The following NIBAN1 variants were observed in gnomAD, a reference collection of about 807,000 sequenced individuals.
NIBAN1 encodes the protein protein Niban 1.
In NIBAN1, 81 loss-of-function variants were observed where a neutral mutation model predicts 75.1. The ratio of observed to expected loss-of-function variants is 1.08; its 90% CI spans 0.90 to 1.30. NIBAN1 has a LOEUF of 1.30. Among genes scored for constraint, NIBAN1 ranks in the 50% most tolerant of loss-of-function variants. The pLI, the probability that NIBAN1 is intolerant of heterozygous loss-of-function variation, is 0.00. For missense variants in NIBAN1, 1,133 were observed against 1,128.1 expected (o/e 1.00, Z -0.06); for synonymous variants, 436 against 424.8 (o/e 1.03, Z -0.32).
chr1:184,867,170 TCA>T (rs796646559), intron 5 of NIBAN1, among the ~76,000 whole-genome samples: 2,027 of 150,370 alleles, frequency 0.013, 46 homozygotes, highest in African/African-American at 0.047. Flanking sequence ...TCTCTCTCTC[TCA>T]CACACACACA....
In NIBAN1 at chr1:184,794,212, T is replaced by C. The variant is rs1653773145; in HGVS notation, c.*765A>G. 1 of 152,460 alleles carries C rather than the reference T, an allele frequency of 6.6e-6. No individual in the cohort carries two copies. The highest frequency in any genetic ancestry group is 6.5e-5 in the Admixed American group (1 of 15,298). The allele number at this position is 152,460 out of a possible 1,614,324, so 9.4% of individuals were successfully genotyped here. On this transcript the variant is annotated 3_prime_UTR_variant, in exon 14 of 14. Coordinates refer to ENST00000367511, the MANE Select transcript of NIBAN1 (RefSeq NM_052966.4). ...AGCTCGATAACTTAGCTAAGCCCTTTGCACAGTCTAAGCCTAATTTGGAAT... is the reference window on the plus strand; with the variant it reads ...AGCTCGATAACTTAGCTAAGCCCTTCGCACAGTCTAAGCCTAATTTGGAAT...
chr1:184,869,591 G>A (rs138619877), intron 5 of NIBAN1, among the ~76,000 whole-genome samples: 43 of 150,494 alleles, frequency 2.9e-4, no homozygotes, highest in Admixed American at 1.8e-3. Context: ...TTCCCAAGCC[G>A]GAGTGCAGTG....
intron 1 of NIBAN1, among the ~76,000 whole-genome samples, chr1:184,917,604 C>A (rs66930146): frequency 0.44 from 66,682 of 151,564 alleles, 14,972 homozygotes; most frequent in South Asian, 0.51. Context: ...CTCTTTTAAG[C>A]AAATGGAGAT....
intron 11 of NIBAN1, among the ~76,000 whole-genome samples, chr1:184,805,160 C>A (rs1055144344): frequency 3.3e-5 from 5 of 152,188 alleles, no homozygotes; most frequent in Non-Finnish European, 7.3e-5. Context: ...AAGATCAAGT[C>A]TGAAATTCAG....
At chr1:184,952,911 A>G (rs1456806491) in intron 1 of NIBAN1, among the ~76,000 whole-genome samples, 1 of 152,218 alleles carries the variant, frequency 6.6e-6, no homozygotes, top group Non-Finnish European at 1.5e-5. Context: ...GCTGTCTATT[A>G]AGTCTGAAGC....
At chr1:184,861,133 T>C (rs1655805025) in intron 5 of NIBAN1, among the ~76,000 whole-genome samples, 2 of 152,244 alleles carry the variant, frequency 1.3e-5, no homozygotes, top group Admixed American at 1.3e-4. Flanking sequence ...TGCCATTCTA[T>C]TGCAGAAGCA....
chr1:184,924,816 A>G (rs1308340382), intron 1 of NIBAN1, among the ~76,000 whole-genome samples: 2 of 152,268 alleles, frequency 1.3e-5, no homozygotes, highest in Admixed American at 6.5e-5. Flanking sequence ...ACTTATTGAC[A>G]TATAGTTAGC....
At chr1:184,974,168 G>A in intron 1 of NIBAN1, 134 bp downstream of exon 1, 1 of 926,546 alleles carries the variant, frequency 1.1e-6, no homozygotes, top group Non-Finnish European at 1.4e-6. Flanking sequence ...GACTCGCGCG[G>A]GCGGGCTGCG....
At chr1:184,906,053 C>A (rs1193580574) in intron 1 of NIBAN1, among the ~76,000 whole-genome samples, 8 of 149,694 alleles carry the variant, frequency 5.3e-5, no homozygotes, top group Admixed American at 1.3e-4. Flanking sequence ...GCCTGGACAA[C>A]ATAGAGAGAC....
intron 5 of NIBAN1, among the ~76,000 whole-genome samples, chr1:184,858,790 C>T (rs1018798601): frequency 6.6e-6 from 1 of 152,036 alleles, no homozygotes; most frequent in African/African-American, 2.4e-5. Context: ...TAAAGGCCAT[C>T]AGGAAGAGAA....
chr1:184,913,345 A>T (rs1489544612), intron 1 of NIBAN1, among the ~76,000 whole-genome samples: 1 of 152,004 alleles, frequency 6.6e-6, no homozygotes, highest in Non-Finnish European at 1.5e-5. Context: ...ACACAGGCTC[A>T]CCAGCATGTT....
At chr1:184,923,839 G>C (rs1460867568) in intron 1 of NIBAN1, among the ~76,000 whole-genome samples, 1 of 151,936 alleles carries the variant, frequency 6.6e-6, no homozygotes, top group Non-Finnish European at 1.5e-5. Flanking sequence ...TTATAAGTGG[G>C]ATTACTTTCT....
chr1:184,918,264 C>T (rs1272619111), intron 1 of NIBAN1, among the ~76,000 whole-genome samples: 2 of 152,194 alleles, frequency 1.3e-5, no homozygotes, highest in East Asian at 3.8e-4. Flanking sequence ...TTGCCACCAA[C>T]GACTGGTTCA....
At chr1:184,808,324 T>C in intron 9 of NIBAN1, 89 bp from the exon 10 acceptor site, 2 of 1,331,444 alleles carry the variant, frequency 1.5e-6, no homozygotes, top group Non-Finnish European at 2.1e-6. Flanking sequence ...TTCTAAGCAA[T>C]CAAATGCAAG....
In NIBAN1 at chr1:184,928,249, T is replaced by C. The variant is rs187578474; in HGVS notation, c.56-28940A>G. Among the ~76,000 whole-genome samples, 5 of 152,268 alleles carry C rather than the reference T, an allele frequency of 3.3e-5. No individual in the cohort carries two copies. In the East Asian group the frequency reaches 9.7e-4, roughly 29 times the overall value. On this transcript the variant is annotated intron_variant, in intron 1 of 13. Transcript: ENST00000367511. ...TGTGAGACAAAGTCCTCTTTACTCT[T>C]CCCTCTCCTGAAGCAGAAGGAAGGA...
intron 5 of NIBAN1, among the ~76,000 whole-genome samples, chr1:184,852,175 T>C (rs949793879): frequency 1.3e-5 from 2 of 152,164 alleles, no homozygotes; most frequent in Non-Finnish European, 2.9e-5. Context: ...TCCTGAAAGA[T>C]ATTGTTTGGT....
chr1:184,933,672 G>A (rs1043563395), intron 1 of NIBAN1, among the ~76,000 whole-genome samples: 55 of 152,208 alleles, frequency 3.6e-4, no homozygotes, highest in Admixed American at 3.1e-3. Context: ...TTGTATCTGC[G>A]GCTATTTCCA....
intron 2 of NIBAN1, among the ~76,000 whole-genome samples, chr1:184,896,849 T>C (rs1656812512): frequency 6.6e-6 from 1 of 152,112 alleles, no homozygotes. Flanking sequence ...GATCAGTTGG[T>C]TGTAGGTATG....
At chr1:184,961,092 G>A (rs111642680) in intron 1 of NIBAN1, among the ~76,000 whole-genome samples, 39 of 90,078 alleles carry the variant, frequency 4.3e-4, no homozygotes, top group African/African-American at 2.1e-3. Context: ...TTTTTCAGAC[G>A]GAGTCTTGCT....
Sources: allele counts gnomAD v4.1 joint callset (sites outside exome capture counted in the v4.1 genomes callset), GRCh38; gene constraint gnomAD v4.1.1; transcripts MANE v1.5; gene names NCBI Gene and HGNC (gene_info 2026-07-23, HGNC 2026-07-21).